Variants in AP4E1 observed in about 807,000 individuals in gnomAD.
AP4E1 encodes the protein adaptor related protein complex 4 subunit epsilon 1.
AP4E1 carries 56 observed loss-of-function variants against 128.2 expected under a neutral mutation model. The observed-to-expected ratio is 0.44, with a 90% confidence interval of 0.35 to 0.55. AP4E1 has a LOEUF of 0.55. Among genes scored for constraint, AP4E1 ranks in the 20% least tolerant of loss-of-function variants. The pLI, the probability that AP4E1 is intolerant of heterozygous loss-of-function variation, is 0.00. For missense variants in AP4E1, 1,324 were observed against 1,307.7 expected, an observed-to-expected ratio of 1.01 and a Z score of -0.19; for synonymous variants, 484 against 473.1, an observed-to-expected ratio of 1.02 and a Z score of -0.30.
chr15:50,919,849 G>T (rs2063674972), intron 3 of AP4E1, among the ~76,000 whole-genome samples: 1 of 151,762 alleles, frequency 6.6e-6, no homozygotes. Context: ...GGCTTAGGTG[G>T]GCAGATCACT....
intron 1 of AP4E1, 112 bp downstream of exon 1, chr15:50,909,040 G>C: frequency 6.7e-7 from 1 of 1,491,756 alleles, no homozygotes; most frequent in Non-Finnish European, 9.0e-7. Flanking sequence ...CCTCCGGCGG[G>C]GCTCAGGGGC....
Position 50,908,894 on chromosome 15 carries a change from T to A in AP4E1, c.116T>A (p.Leu39His), listed in dbSNP as rs2063530410. 1 of 1,610,572 alleles carries A rather than the reference T, an allele frequency of 6.2e-7. No individual in the cohort carries two copies. The highest frequency in any genetic ancestry group is 8.5e-7 in the Non-Finnish European group (1 of 1,179,356). Residue 39 changes from leucine to histidine, a missense_variant, in exon 1 of 21, where the codon CTT (leucine) becomes CAT (histidine). Leu to His is a moderately conservative substitution (Grantham distance 99). Transcript: ENST00000261842. Reference protein sequence around the residue: ...KASFSSRLGSLVRGITALTSK... With the variant: ...KASFSSRLGSHVRGITALTSK... ...TCCTTCTCCTCGAGGCTGGGCAGCC[T>A]TGTCCGCGGCATCACAGCCCTCACC...
At chr15:50,956,336 T>A (rs2064222750) in intron 13 of AP4E1, among the ~76,000 whole-genome samples, 1 of 152,216 alleles carries the variant, frequency 6.6e-6, no homozygotes, top group Admixed American at 6.5e-5. Context: ...TCCTTCTTAC[T>A]AGCTATACAT....
At chr15:50,988,812 A>G (rs1436337962) in intron 16 of AP4E1, among the ~76,000 whole-genome samples, 1 of 152,208 alleles carries the variant, frequency 6.6e-6, no homozygotes, top group Non-Finnish European at 1.5e-5. Flanking sequence ...GTAGTCACCT[A>G]TGGAAGCTGT....
intron 11 of AP4E1, among the ~76,000 whole-genome samples, chr15:50,948,486 C>A (rs1323724572): frequency 6.6e-6 from 1 of 151,798 alleles, no homozygotes; most frequent in Non-Finnish European, 1.5e-5. Context: ...AGTAAAAGTT[C>A]TTGCTTTTTG....
At chr15:50,986,599 C>T (rs2064727527) in intron 16 of AP4E1, among the ~76,000 whole-genome samples, 1 of 152,104 alleles carries the variant, frequency 6.6e-6, no homozygotes, top group African/African-American at 2.4e-5. Flanking sequence ...TGTTTATATG[C>T]TGGATTACGT....
chr15:50,963,459 T>A (rs2140886358), intron 14 of AP4E1, among the ~76,000 whole-genome samples: 1 of 152,276 alleles, frequency 6.6e-6, no homozygotes, highest in South Asian at 2.1e-4. Context: ...CACTATGAAG[T>A]AAAATAAGCA....
At chr15:50,969,474 G>A (rs2064446424) in intron 15 of AP4E1, among the ~76,000 whole-genome samples, 2 of 151,208 alleles carry the variant, frequency 1.3e-5, no homozygotes, top group Non-Finnish European at 2.9e-5. Flanking sequence ...CTATGGACTA[G>A]TGAGCTTCAT....
At position 51,003,281 on chromosome 15, in the gene AP4E1, A is replaced by G. The variant is rs1387920892; in HGVS notation, c.*619A>G. 1 of 152,672 alleles carries G rather than the reference A, an allele frequency of 6.5e-6. No homozygotes were observed. The highest frequency in any genetic ancestry group is 1.5e-5 in the Non-Finnish European group (1 of 68,076). The allele number at this position is 152,672 out of a possible 1,614,324, so 9.5% of individuals were successfully genotyped here. ...AGATAACTGTTACACATAATTTCAGATCGTTTGGCTGTAAAATTTGTCTGT... is the reference window on the plus strand; with the variant it reads ...AGATAACTGTTACACATAATTTCAGGTCGTTTGGCTGTAAAATTTGTCTGT... On this transcript the variant is annotated 3_prime_UTR_variant, in exon 21 of 21. Coordinates refer to ENST00000261842, the MANE Select transcript of AP4E1 (RefSeq NM_007347.5).
intron 15 of AP4E1, among the ~76,000 whole-genome samples, chr15:50,979,358 A>G (rs1244382852): frequency 1.3e-5 from 2 of 152,262 alleles, no homozygotes; most frequent in East Asian, 1.9e-4. Flanking sequence ...GATTAATGTC[A>G]TTATCATGAG....
At position 51,001,203 on chromosome 15, in the gene AP4E1, G is replaced by A. The variant is rs2064958499; in HGVS notation, c.3253+20G>A. ...TTATAGGTTTGTAGAGTTATAAAAA[G>A]GCTATTCTGTGTTTATAGGAGCTTT... On this transcript the variant is annotated intron_variant, in intron 20 of 20. Coordinates refer to ENST00000261842, the MANE Select transcript of AP4E1 (RefSeq NM_007347.5). 2 of 1,607,978 alleles carry A rather than the reference G, an allele frequency of 1.2e-6. No homozygotes were observed. The highest frequency in any genetic ancestry group is 2.7e-5 in the African/African-American group (2 of 74,860).
At chr15:50,963,643 T>C (rs2064347127) in intron 14 of AP4E1, among the ~76,000 whole-genome samples, 1 of 152,204 alleles carries the variant, frequency 6.6e-6, no homozygotes, top group Non-Finnish European at 1.5e-5. Context: ...TAGTGTTTGA[T>C]GGCACAGTAG....
intron 15 of AP4E1, among the ~76,000 whole-genome samples, chr15:50,972,338 A>G (rs2064491442): frequency 1.3e-5 from 2 of 152,038 alleles, no homozygotes; most frequent in Admixed American, 6.6e-5. Context: ...CAGCCTCCCA[A>G]GTAGCTGGGA....
rs1055662489 is a variant in AP4E1 at position 51,002,742 on chromosome 15, A to T, written c.*80A>T. On this transcript the variant is annotated 3_prime_UTR_variant, in exon 21 of 21. Coordinates refer to ENST00000261842, the MANE Select transcript of AP4E1 (RefSeq NM_007347.5). The stretch of plus-strand genomic sequence containing the variant: ...TTATTTACCAAAGTAAAAAGAACTC[A>T]TGGTACTTCTAATGAAAATGGGGAT... The T allele has an allele frequency of 2.0e-6, 3 of 1,513,218 alleles. No individual in the cohort carries two copies. Among genetic ancestry groups the T allele is most frequent in the Non-Finnish European group, 2.7e-6 (3 of 1,098,736 alleles). 93.7% of individuals were successfully genotyped at this position (1,513,218 alleles called of 1,614,324 possible).
intron 16 of AP4E1, among the ~76,000 whole-genome samples, chr15:50,988,735 A>G (rs192745257): frequency 6.6e-6 from 1 of 152,124 alleles, no homozygotes; most frequent in East Asian, 1.9e-4. Context: ...GTGAAACTCT[A>G]TTGCTTTCAC....
At chr15:50,946,316 T>G (rs978370469) in intron 10 of AP4E1, among the ~76,000 whole-genome samples, 3 of 152,204 alleles carry the variant, frequency 2.0e-5, no homozygotes, top group African/African-American at 7.2e-5. Context: ...AATTGACATT[T>G]AAGACCAAAC....
chr15:50,939,337 A>G (rs12904125), intron 8 of AP4E1, among the ~76,000 whole-genome samples: 65,501 of 151,306 alleles, frequency 0.43, 14,304 homozygotes, highest in East Asian at 0.58. Context: ...GCTGGCCATG[A>G]TGGTGCACGC....
chr15:50,950,261 T>A, intron 13 of AP4E1, 92 bp downstream of exon 13: 1 of 846,002 alleles, frequency 1.2e-6, no homozygotes, highest in Non-Finnish European at 1.9e-6. Flanking sequence ...TTCGCTTTAC[T>A]CAGCTAACTC....
intron 1 of AP4E1, 44 bp downstream of exon 1, chr15:50,908,972 GC>G: frequency 6.2e-7 from 1 of 1,605,098 alleles, no homozygotes. Flanking sequence ...TCGGAGTGAG[GC>G]CCCCGCGCCA....
Sources: allele counts gnomAD v4.1 joint callset (sites outside exome capture counted in the v4.1 genomes callset), GRCh38; gene constraint gnomAD v4.1.1; transcripts MANE v1.5; gene names NCBI Gene and HGNC (gene_info 2026-07-23, HGNC 2026-07-21).